TCF12: variants seen among roughly 807,000 people sequenced by gnomAD.
TCF12 encodes the protein transcription factor 12, also known as DNA-binding protein HTF4.
In TCF12, 45 loss-of-function variants were observed where a neutral mutation model predicts 86.0. That is an observed-to-expected ratio of 0.52 (90% CI 0.41 to 0.67). The LOEUF (loss-of-function observed/expected upper bound fraction) is 0.67, where lower values mean the gene tolerates loss of function less well. TCF12 is among the 30% of genes least tolerant of loss of function. TCF12 has a pLI of 0.00. For missense variants in TCF12, 881 were observed against 859.9 expected (o/e 1.02, Z -0.31); for synonymous variants, 330 against 299.6 (o/e 1.10, Z -1.05).
chr15:57,158,894 A>G (rs1351160262), intron 5 of TCF12, among the ~76,000 whole-genome samples: 1 of 152,250 alleles, frequency 6.6e-6, no homozygotes, highest in African/African-American at 2.4e-5. Flanking sequence ...CACTGTAGCC[A>G]GCAGTGTGGT....
intron 8 of TCF12, among the ~76,000 whole-genome samples, chr15:57,199,792 T>C (rs991410798): frequency 3.3e-5 from 5 of 152,196 alleles, no homozygotes; most frequent in Admixed American, 3.3e-4. Flanking sequence ...TATTAAATGT[T>C]ATTAAGGATG....
At chr15:57,273,438 A>G (rs1273393057) in intron 19 of TCF12, among the ~76,000 whole-genome samples, 176 bp downstream of exon 19, 3 of 152,022 alleles carry the variant, frequency 2.0e-5, no homozygotes, top group South Asian at 2.1e-4. Flanking sequence ...GTATCACCCA[A>G]TATCTGTGGG....
chr15:56,921,378 A>G (rs537576091), intron 3 of TCF12, among the ~76,000 whole-genome samples: 2 of 152,154 alleles, frequency 1.3e-5, no homozygotes, highest in African/African-American at 4.8e-5. Flanking sequence ...GATAAGTATT[A>G]GATGACTGAA....
intron 6 of TCF12, among the ~76,000 whole-genome samples, chr15:57,177,389 C>A (rs2055999578): frequency 1.3e-5 from 2 of 151,480 alleles, no homozygotes; most frequent in South Asian, 4.2e-4. Flanking sequence ...TCTGCCACAG[C>A]CTCCTGAGTA....
At chr15:57,143,350 G>T (rs919611696) in intron 5 of TCF12, among the ~76,000 whole-genome samples, 2 of 152,096 alleles carry the variant, frequency 1.3e-5, no homozygotes, top group Non-Finnish European at 2.9e-5. Context: ...CATACACACC[G>T]AAGTATTTTG....
At position 56,984,014 on chromosome 15, in the gene TCF12, A is replaced by AAAAAAAAAAAAAG. The variant is rs777234282; in HGVS notation, c.148+62918_148+62919insAAAAAAAAAAGAA. 3.4e-4 allele frequency among the ~76,000 whole-genome samples: 35 copies of AAAAAAAAAAAAAG among 104,424 alleles called. 4 individuals are homozygous for AAAAAAAAAAAAAG. Among genetic ancestry groups the AAAAAAAAAAAAAG allele is most frequent in the African/African-American group, 9.1e-4 (20 of 22,024 alleles). 68.5% of individuals were successfully genotyped at this position (104,424 alleles called of 152,430 possible). A position where few individuals can be genotyped will look rare whatever the true frequency, so the allele number is the denominator to read the frequency against. On this transcript the variant is annotated intron_variant, in intron 3 of 20. Coordinates refer to ENST00000333725, the MANE Select transcript of TCF12 (RefSeq NM_207037.2). ...GAGACCCTGTCTCAAAAAAAAAAAA[A>AAAAAAAAAAAAAG]AAGAAGAAGAAGAATTTTGGATCAA...
rs952295249 is a variant in TCF12 at position 57,145,320 on chromosome 15, C to T, written c.326-21082C>T. On this transcript the variant is annotated intron_variant, in intron 5 of 20. Transcript: ENST00000333725. The stretch of plus-strand genomic sequence containing the variant: ...AGAACCTGAATCTTAGCAGTGTGCT[C>T]AGCCTTCACTACATTTATGACCTTT... Among the ~76,000 whole-genome samples the T allele has an allele frequency of 5.3e-5, 8 of 152,164 alleles. No homozygotes were observed. The South Asian group carries it at 8.3e-4, about 16-fold the overall frequency.
chr15:57,290,259 C>T (rs2062054491), downstream of TCF12, among the ~76,000 whole-genome samples: 1 of 149,806 alleles, frequency 6.7e-6, no homozygotes, highest in Non-Finnish European at 1.5e-5. Flanking sequence ...AGGAGAATCA[C>T]TTGAACCCGG....
intron 3 of TCF12, among the ~76,000 whole-genome samples, chr15:56,954,347 T>A (rs2061410847): frequency 6.6e-6 from 1 of 152,174 alleles, no homozygotes; most frequent in African/African-American, 2.4e-5. Flanking sequence ...TAAGTGGTGC[T>A]GGGAAAACTG....
At position 57,234,049 on chromosome 15, in the gene TCF12, G is replaced by C. The variant is rs1329348066; in HGVS notation, c.977G>C (p.Arg326Thr). 6.2e-7 allele frequency: 1 copy of C among 1,613,246 alleles called. No individual in the cohort carries two copies. The highest frequency in any genetic ancestry group is 1.3e-5 in the African/African-American group (1 of 74,896). Residue 326 changes from arginine (R) to threonine (T), a missense_variant, in exon 12 of 21, where the codon AGA (arginine) becomes ACA (threonine). Arg to Thr is a moderately conservative substitution (Grantham distance 71). Around this residue, in one of 3 missense-constraint regions of TCF12, gnomAD observed 766 missense variants for 718.9 expected, o/e 1.07. Transcript: ENST00000333725. ...TTCTCTATGAAATATCCAGGAACCA[G>C]AGGGAATGCTGCTGGAAGCTCACAG... Reference protein sequence around the residue: ...INGSDSILGTRGNAAGSSQTG... With the variant: ...INGSDSILGTTGNAAGSSQTG...
chr15:57,218,603 T>C (rs889710997), intron 8 of TCF12, among the ~76,000 whole-genome samples: 1 of 152,048 alleles, frequency 6.6e-6, no homozygotes, highest in Non-Finnish European at 1.5e-5. Context: ...GAAAGACTTA[T>C]AGGAAACTGT....
At chr15:56,922,330 T>A (rs1433428161) in intron 3 of TCF12, among the ~76,000 whole-genome samples, 2 of 151,982 alleles carry the variant, frequency 1.3e-5, no homozygotes, top group Non-Finnish European at 2.9e-5. Context: ...TGTTCCAGCT[T>A]AAGTTATGGT....
At chr15:57,137,242 A>G (rs931252436) in intron 5 of TCF12, among the ~76,000 whole-genome samples, 25 of 152,134 alleles carry the variant, frequency 1.6e-4, no homozygotes, top group Non-Finnish European at 5.9e-5. Flanking sequence ...TCGGCCTCCC[A>G]AAGTGCTGGG....
At chr15:56,924,669 T>C (rs1214547099) in intron 3 of TCF12, among the ~76,000 whole-genome samples, 1 of 152,206 alleles carries the variant, frequency 6.6e-6, no homozygotes, top group East Asian at 1.9e-4. Flanking sequence ...TAGACATTTG[T>C]TTCAGGTAAG....
intron 5 of TCF12, among the ~76,000 whole-genome samples, chr15:57,113,941 G>T (rs2050670993): frequency 6.6e-6 from 1 of 151,990 alleles, no homozygotes; most frequent in African/African-American, 2.4e-5. Flanking sequence ...GGGTGACAGA[G>T]TGAGACCCTG....
chr15:57,223,681 G>A (rs1187508604), intron 8 of TCF12, among the ~76,000 whole-genome samples: 11 of 34,152 alleles, frequency 3.2e-4, no homozygotes, highest in Non-Finnish European at 1.2e-3. Context: ...TAGAAATAGA[G>A]TAGCAAGTAA....
At chr15:57,218,647 G>A (rs1302802802) in intron 8 of TCF12, among the ~76,000 whole-genome samples, 4 of 152,168 alleles carry the variant, frequency 2.6e-5, no homozygotes, top group Admixed American at 2.6e-4. Context: ...TATGAAAGAT[G>A]TGTGAATTTT....
Position 57,278,314 on chromosome 15 carries a change from C to T in TCF12, c.1979-4131C>T, listed in dbSNP as rs1279400928. On this transcript the variant is annotated intron_variant, in intron 19 of 20. Coordinates refer to ENST00000333725, the MANE Select transcript of TCF12 (RefSeq NM_207037.2). ...CAACTAGTCCATTGAAAATTGAATA[C>T]TATTAGCTGCAGAAGAAAGGTTTCC... Among the ~76,000 whole-genome samples the T allele has an allele frequency of 3.9e-5, 6 of 152,164 alleles. 1 individual carries two copies. In the South Asian group the frequency reaches 1.0e-3, roughly 26 times the overall value.
At chr15:57,113,081 T>G (rs1373231125) in intron 5 of TCF12, among the ~76,000 whole-genome samples, 1 of 152,238 alleles carries the variant, frequency 6.6e-6, no homozygotes, top group Non-Finnish European at 1.5e-5. Flanking sequence ...GTATGGCACT[T>G]GAAGATCTTC....
Sources: gnomAD v4.1 joint callset for allele counts (sites outside exome capture counted in the v4.1 genomes callset) on GRCh38, gnomAD v4.1.1 for gene constraint, gnomAD v4.1.1 regional missense constraint, MANE v1.5 for transcripts, NCBI Gene and HGNC (gene_info 2026-07-23, HGNC 2026-07-21) for gene names.